Variants in TTC34 observed in about 807,000 individuals in gnomAD.
TTC34 encodes tetratricopeptide repeat domain 34, also known as tetratricopeptide repeat protein 34.
In TTC34, 44 loss-of-function variants were observed where a neutral mutation model predicts 40.7. That is an observed-to-expected ratio of 1.08 (90% CI 0.85 to 1.39). The LOEUF (loss-of-function observed/expected upper bound fraction) is 1.39, where lower values mean the gene tolerates loss of function less well. Ranked by LOEUF, TTC34 falls within the 40% of genes most tolerant of loss-of-function variation. The pLI is 0.00. For synonymous variants in TTC34, 422 were observed against 398.6 expected, an observed-to-expected ratio of 1.06 and a Z score of -0.70; for missense variants, 884 against 838.0, an observed-to-expected ratio of 1.05 and a Z score of -0.68.
chr1:2,789,981 C>CCAG, exon 3 of TTC34: 1 of 392,686 alleles, frequency 2.5e-6, no homozygotes, highest in Non-Finnish European at 4.5e-6. Flanking sequence ...GCGTCCCCTG[C>CCAG]CAGCAGCAGG....
chr1:2,756,515 T>G, intron 6 of TTC34, among the ~76,000 whole-genome samples: 1 of 133,850 alleles, frequency 7.5e-6, no homozygotes, highest in Non-Finnish European at 1.5e-5. Flanking sequence ...CACCCCAGGG[T>G]GAGGATCAGA....
intron 6 of TTC34, among the ~76,000 whole-genome samples, chr1:2,685,402 C>T (rs1215104905): frequency 2.8e-5 from 4 of 142,382 alleles, no homozygotes; most frequent in South Asian, 4.4e-4. Context: ...CCCACAACCA[C>T]AGGTGAGCAT....
intron 6 of TTC34, among the ~76,000 whole-genome samples, chr1:2,687,253 G>A (rs554372846): frequency 8.1e-6 from 1 of 124,208 alleles, no homozygotes; most frequent in Admixed American, 7.8e-5. Context: ...ACCCCCAGGT[G>A]CGCATCTGAT....
At chr1:2,748,846 G>A (rs1569684151) in intron 6 of TTC34, among the ~76,000 whole-genome samples, 16 of 134,994 alleles carry the variant, frequency 1.2e-4, no homozygotes, top group East Asian at 2.5e-4. Flanking sequence ...CACAAACCCA[G>A]GTGAGCATCT....
rs543465922 is a variant in TTC34, at chr1:2,795,862, T to A, written c.784+4182A>T. 6.6e-5 allele frequency among the ~76,000 whole-genome samples: 10 copies of A among 152,338 alleles called. No individual in the cohort carries two copies. The South Asian group carries it at 2.1e-3, about 32-fold the overall frequency. On this transcript the variant is annotated intron_variant, in intron 2 of 8. Transcript: ENST00000401095. Reference sequence around the variant, plus strand: ...CTCATACATCGTGTATCGCTGCATGTCTACTTACTAAAGAGGGCAAAGAAA... The same window carrying A: ...CTCATACATCGTGTATCGCTGCATGACTACTTACTAAAGAGGGCAAAGAAA...
At chr1:2,684,947 A>G (rs1640256974) in intron 6 of TTC34, among the ~76,000 whole-genome samples, 1 of 137,600 alleles carries the variant, frequency 7.3e-6, no homozygotes, top group South Asian at 2.2e-4. Flanking sequence ...AGCCTGGAGC[A>G]CCACCCACAC....
intron 6 of TTC34, among the ~76,000 whole-genome samples, chr1:2,685,944 G>A (rs1013456504): frequency 6.8e-3 from 946 of 139,446 alleles, no homozygotes; most frequent in Middle Eastern, 0.011. Flanking sequence ...GTGACAGCCG[G>A]GAACAGCACC....
At chr1:2,700,090 C>G (rs1430636403) in intron 6 of TTC34, among the ~76,000 whole-genome samples, 1 of 121,912 alleles carries the variant, frequency 8.2e-6, no homozygotes, top group Non-Finnish European at 1.9e-5. Flanking sequence ...GCAGCACCCA[C>G]AGTCCCAGGT....
At chr1:2,644,812 TG>T (rs1638986492) in intron 7 of TTC34, among the ~76,000 whole-genome samples, 1 of 152,114 alleles carries the variant, frequency 6.6e-6, no homozygotes, top group Non-Finnish European at 1.5e-5. Context: ...AAGCCCTTGG[TG>T]GGCAAATGCA....
At chr1:2,683,599 G>A (rs868867843) in intron 6 of TTC34, among the ~76,000 whole-genome samples, 1 of 145,380 alleles carries the variant, frequency 6.9e-6, no homozygotes, top group Non-Finnish European at 1.5e-5. Flanking sequence ...ACACACTCAG[G>A]CGAGCATCTG....
intron 6 of TTC34, among the ~76,000 whole-genome samples, chr1:2,749,674 G>C (rs1641254257): frequency 3.5e-5 from 3 of 85,624 alleles, no homozygotes; most frequent in Non-Finnish European, 6.5e-5. Flanking sequence ...GCCTGGAGCA[G>C]CAACCTGCAC....
At chr1:2,637,229 T>C (rs947169926) in exon 9 of TTC34, 3 of 151,866 alleles carry the variant, frequency 2.0e-5, no homozygotes, top group African/African-American at 7.3e-5. Flanking sequence ...TAGGAAAAGA[T>C]AGGTACATGT....
At chr1:2,644,546 G>A (rs997345802) in intron 7 of TTC34, 68 bp from the exon 8 acceptor site, 7 of 1,436,404 alleles carry the variant, frequency 4.9e-6, no homozygotes, top group African/African-American at 2.8e-5. Flanking sequence ...GCTGAGACTC[G>A]CTGGCCGCTC....
intron 6 of TTC34, among the ~76,000 whole-genome samples, chr1:2,760,222 T>G (rs1326339944): frequency 1.1e-4 from 7 of 64,368 alleles, no homozygotes; most frequent in African/African-American, 1.7e-4. Context: ...GCATCTGAAG[T>G]CATGGAGCAG....
intron 2 of TTC34, among the ~76,000 whole-genome samples, chr1:2,794,919 C>T (rs1384466625): frequency 6.6e-6 from 1 of 152,004 alleles, no homozygotes; most frequent in Non-Finnish European, 1.5e-5. Flanking sequence ...ATTTTAAGTT[C>T]TATATTATAA....
rs1355404692 is a variant in TTC34 at position 2,783,795 on chromosome 1, G to A, written c.2060-20C>T. 1 of 1,471,810 alleles carries A rather than the reference G, an allele frequency of 6.8e-7. No homozygotes were observed. Among genetic ancestry groups the A allele is most frequent in the Non-Finnish European group, 9.0e-7 (1 of 1,105,086 alleles). The allele number at this position is 1,471,810 out of a possible 1,614,324, so 91.2% of individuals were successfully genotyped here. A position where few individuals can be genotyped will look rare whatever the true frequency, so the allele number is the denominator to read the frequency against. ...GGCTTCCTGCAGGAAGACGGCATGG[G>A]GTCAGGATGAGCCTATGCTGGGTCC... On this transcript the variant is annotated intron_variant, in intron 5 of 8. Coordinates refer to ENST00000401095, the Ensembl canonical transcript of TTC34.
chr1:2,648,441 C>T (rs994391334), intron 6 of TTC34, among the ~76,000 whole-genome samples: 1 of 152,190 alleles, frequency 6.6e-6, no homozygotes, highest in African/African-American at 2.4e-5. Context: ...CAACTGAATG[C>T]CCAAGATGTT....
intron 6 of TTC34, among the ~76,000 whole-genome samples, chr1:2,693,185 C>A (rs567987621): frequency 4.4e-4 from 38 of 86,438 alleles, no homozygotes; most frequent in East Asian, 1.3e-3. Context: ...CGCACCCACA[C>A]CCCCAGGTGC....
At chr1:2,643,501 G>A (rs1423845500) in intron 8 of TTC34, among the ~76,000 whole-genome samples, 1 of 152,158 alleles carries the variant, frequency 6.6e-6, no homozygotes, top group African/African-American at 2.4e-5. Flanking sequence ...CCCCCTGCCA[G>A]GCCCTGCTCC....
Sources: gnomAD v4.1 joint callset for allele counts (sites outside exome capture counted in the v4.1 genomes callset) on GRCh38, gnomAD v4.1.1 for gene constraint, MANE v1.5 for transcripts, NCBI Gene and HGNC (gene_info 2026-07-23, HGNC 2026-07-21) for gene names.